ADAMTS6: variants seen among roughly 807,000 people sequenced by gnomAD.
The protein encoded by ADAMTS6 is ADAM metallopeptidase with thrombospondin type 1 motif 6.
ADAMTS6 carries 23 observed loss-of-function variants against 144.3 expected under a neutral mutation model. That is an observed-to-expected ratio of 0.16 (90% CI 0.11 to 0.23). The LOEUF (loss-of-function observed/expected upper bound fraction) is 0.23, where lower values mean the gene tolerates loss of function less well. Ranked by LOEUF, ADAMTS6 falls within the 10% of genes least tolerant of loss-of-function variation. The pLI, the probability that ADAMTS6 is intolerant of heterozygous loss-of-function variation, is 1.00. For synonymous variants in ADAMTS6, 444 were observed against 457.5 expected (o/e 0.97, Z 0.38); for missense variants, 999 against 1,379.6 (o/e 0.72, Z 4.37).
chr5:65,264,296 C>T (rs1761439171), intron 12 of ADAMTS6, among the ~76,000 whole-genome samples: 1 of 152,122 alleles, frequency 6.6e-6, no homozygotes, highest in Admixed American at 6.6e-5. Flanking sequence ...TTCCTCAGCC[C>T]CATTCTCTCT....
At chr5:65,186,307 T>C (rs1754672094) in intron 22 of ADAMTS6, among the ~76,000 whole-genome samples, 1 of 152,226 alleles carries the variant, frequency 6.6e-6, no homozygotes, top group African/African-American at 2.4e-5. Flanking sequence ...ATTATACATT[T>C]ATACCTCACA....
intron 9 of ADAMTS6, among the ~76,000 whole-genome samples, chr5:65,307,313 T>A (rs1420315800): frequency 6.6e-6 from 1 of 152,182 alleles, no homozygotes; most frequent in Non-Finnish European, 1.5e-5. Flanking sequence ...AAAAGTATGT[T>A]TTATATTTCA....
chr5:65,258,212 G>C (rs1760861599), intron 14 of ADAMTS6, among the ~76,000 whole-genome samples: 2 of 152,042 alleles, frequency 1.3e-5, no homozygotes, highest in South Asian at 4.2e-4. Flanking sequence ...TACTCAGAAT[G>C]GTCTCATTGA....
chr5:65,377,217 A>G (rs1294908530), intron 7 of ADAMTS6, among the ~76,000 whole-genome samples: 1 of 152,134 alleles, frequency 6.6e-6, no homozygotes, highest in Non-Finnish European at 1.5e-5. Context: ...CCATTTTTAT[A>G]TTTCCTCTTA....
intron 7 of ADAMTS6, among the ~76,000 whole-genome samples, chr5:65,393,792 T>C (rs1753113225): frequency 6.6e-6 from 1 of 152,242 alleles, no homozygotes; most frequent in Non-Finnish European, 1.5e-5. Context: ...TTTCATTGTA[T>C]GTGTAAAACA....
rs116770108 is a variant in ADAMTS6 at position 65,334,675 on chromosome 5, C to T, written c.1074-590G>A. Among the ~76,000 whole-genome samples the T allele has an allele frequency of 8.9e-3, 1,350 of 152,166 alleles. 20 individuals are homozygous for T. The highest frequency in any genetic ancestry group is 0.031 in the African/African-American group (1,272 of 41,518). ...ATACAAATATTTTTAAGTGATTTTACAACAGGCTAAATGAATCTGTCAATA... is the reference window on the plus strand; with the variant it reads ...ATACAAATATTTTTAAGTGATTTTATAACAGGCTAAATGAATCTGTCAATA... On this transcript the variant is annotated intron_variant, in intron 7 of 24. Transcript: ENST00000381055.
At position 65,220,324 on chromosome 5, in the gene ADAMTS6, TA is replaced by T. The variant is rs367782369; in HGVS notation, c.2272+3995del. 4.8e-3 allele frequency among the ~76,000 whole-genome samples: 724 copies of T among 151,996 alleles called. 5 individuals are homozygous for T. Among genetic ancestry groups the T allele is most frequent in the African/African-American group, 0.014 (598 of 41,484 alleles). ...ATCATATGTCTGACAAAATTTATGG[TA>T]AAAAAAATGCTTGTTTTATAGCAGA... On this transcript the variant is annotated intron_variant, in intron 18 of 24. Coordinates refer to ENST00000381055, the MANE Select transcript of ADAMTS6 (RefSeq NM_197941.4).
At chr5:65,223,386 A>AAT in intron 18 of ADAMTS6, among the ~76,000 whole-genome samples, 1 of 152,316 alleles carries the variant, frequency 6.6e-6, no homozygotes, top group East Asian at 1.9e-4. Context: ...AGTATACGAT[A>AAT]CATTTTATTA....
chr5:65,444,142 A>G (rs1035040984), intron 7 of ADAMTS6, among the ~76,000 whole-genome samples: 2 of 152,236 alleles, frequency 1.3e-5, no homozygotes, highest in Non-Finnish European at 2.9e-5. Context: ...CTGTAATCCC[A>G]GCACTTTGGG....
intron 7 of ADAMTS6, among the ~76,000 whole-genome samples, chr5:65,376,795 C>G (rs1203963630): frequency 6.6e-6 from 1 of 151,760 alleles, no homozygotes; most frequent in African/African-American, 2.4e-5. Flanking sequence ...CACCACAGCA[C>G]TGCACTCAAG....
intron 4 of ADAMTS6, among the ~76,000 whole-genome samples, chr5:65,456,320 AGCAT>A (rs1187476943): frequency 1.3e-4 from 20 of 152,320 alleles, no homozygotes; most frequent in Non-Finnish European, 2.4e-4. Flanking sequence ...ATTAGATTAT[AGCAT>A]GTTAGGAAAC....
intron 7 of ADAMTS6, among the ~76,000 whole-genome samples, chr5:65,442,830 C>G (rs1757967475): frequency 6.6e-6 from 1 of 152,148 alleles, no homozygotes; most frequent in African/African-American, 2.4e-5. Flanking sequence ...TCTCCCTCCC[C>G]TTCCCCTACC....
intron 7 of ADAMTS6, among the ~76,000 whole-genome samples, chr5:65,370,691 C>T (rs1241469884): frequency 2.0e-5 from 3 of 152,180 alleles, no homozygotes; most frequent in Non-Finnish European, 4.4e-5. Flanking sequence ...GGCAGCGAGG[C>T]TGGGGGAGGG....
chr5:65,332,302 TATATATATATAG>T (rs1561433616), intron 8 of ADAMTS6, among the ~76,000 whole-genome samples: 4 of 116,376 alleles, frequency 3.4e-5, no homozygotes, highest in Admixed American at 9.2e-5. Context: ...TATATATATA[TATATATATATAG>T]AGAGAGAGAG....
At chr5:65,373,867 C>T (rs1429947912) in intron 7 of ADAMTS6, among the ~76,000 whole-genome samples, 2 of 152,202 alleles carry the variant, frequency 1.3e-5, no homozygotes, top group East Asian at 3.9e-4. Flanking sequence ...CAATAAAATA[C>T]TGGCAAACCG....
chr5:65,252,679 A>G (rs1760282304), intron 14 of ADAMTS6, among the ~76,000 whole-genome samples: 1 of 152,008 alleles, frequency 6.6e-6, no homozygotes, highest in South Asian at 2.1e-4. Flanking sequence ...ATAACTAATA[A>G]CAATTATTAT....
At chr5:65,387,701 T>C (rs1006318102) in intron 7 of ADAMTS6, among the ~76,000 whole-genome samples, 5 of 152,176 alleles carry the variant, frequency 3.3e-5, no homozygotes, top group Non-Finnish European at 7.3e-5. Flanking sequence ...ATGTGGATTT[T>C]CATGGGTCAC....
intron 9 of ADAMTS6, among the ~76,000 whole-genome samples, chr5:65,320,432 T>A (rs886770345): frequency 2.6e-5 from 4 of 152,042 alleles, no homozygotes; most frequent in African/African-American, 9.7e-5. Flanking sequence ...TTAAAAATCT[T>A]CCCACAATAA....
intron 7 of ADAMTS6, among the ~76,000 whole-genome samples, chr5:65,343,350 T>C (rs1277712072): frequency 6.6e-6 from 1 of 152,064 alleles, no homozygotes; most frequent in African/African-American, 2.4e-5. Flanking sequence ...AACAGATGTA[T>C]AGACCAATAG....
Sources: gnomAD v4.1 joint callset for allele counts (sites outside exome capture counted in the v4.1 genomes callset) on GRCh38, gnomAD v4.1.1 for gene constraint, MANE v1.5 for transcripts, NCBI Gene and HGNC (gene_info 2026-07-23, HGNC 2026-07-21) for gene names.